LCT: variants seen among roughly 807,000 people sequenced by gnomAD.
LCT encodes lactase.
Under a neutral mutation model 173.0 loss-of-function variants are expected in LCT, and 90 were observed. The observed-to-expected ratio is 0.52, with a 90% CI of 0.44 to 0.62. The LOEUF is 0.62. Among genes scored for constraint, LCT ranks in the 20% least tolerant of loss-of-function variants. The pLI is 0.00. For synonymous variants in LCT, 853 were observed against 957.6 expected, an observed-to-expected ratio of 0.89 and a Z score of 2.02; for missense variants, 1,864 against 2,431.4, an observed-to-expected ratio of 0.77 and a Z score of 4.91.
chr2:135,816,784 C>T (rs962000808), intron 6 of LCT, among the ~76,000 whole-genome samples: 10 of 152,166 alleles, frequency 6.6e-5, no homozygotes, highest in African/African-American at 2.4e-4. Flanking sequence ...GAGCCTCACT[C>T]ATCCATCAGT....
intron 11 of LCT, 51 bp from the exon 12 acceptor site, chr2:135,800,860 C>T: frequency 1.4e-6 from 2 of 1,442,024 alleles, no homozygotes; most frequent in Non-Finnish European, 1.9e-6. Context: ...ATGGATGTGA[C>T]TGAGATTGTT....
Position 135,817,716 on chromosome 2 carries a change from G to A in LCT, c.1332C>T (p.Cys444=), listed in dbSNP as rs370939537. Residue 444 remains cysteine (C), a synonymous_variant, in exon 6 of 17, where the codon TGC becomes TGT. Transcript: ENST00000264162. The stretch of plus-strand genomic sequence containing the variant: ...ACTTGTACACCTGAGCCCGGAGGCC[G>A]CAAAGCAGGGCGACGTCAGAGGCTA... ...HKVASDVALL[C]GLRAQVYKFS... The A allele has an allele frequency of 1.4e-5, 23 of 1,613,880 alleles. No homozygotes were observed. The highest frequency in any genetic ancestry group is 1.6e-4 in the Middle Eastern group (1 of 6,084).
intron 1 of LCT, among the ~76,000 whole-genome samples, chr2:135,835,207 A>T (rs943501139): frequency 6.6e-6 from 1 of 152,128 alleles, no homozygotes. Flanking sequence ...ATACAATGGG[A>T]ACCTAAAAGA....
chr2:135,831,447 G>T (rs924290906), intron 2 of LCT, among the ~76,000 whole-genome samples: 2 of 152,152 alleles, frequency 1.3e-5, no homozygotes, highest in Non-Finnish European at 1.5e-5. Flanking sequence ...GTCCCACTCG[G>T]AAGTGTGGCT....
rs2077524320 is a variant in LCT at position 135,790,483 on chromosome 2, A to G, written c.5335+175T>C. ...GGGCTTGCTTGCTGAGCTTAGACAT[A>G]GGAAGGAAAAAAACTCAGAGTGCGG... On this transcript the variant is annotated intron_variant, in intron 15 of 16. Coordinates refer to ENST00000264162, the MANE Select transcript of LCT (RefSeq NM_002299.4). The surrounding 1 kb of genome is among the most constrained non-coding windows in gnomAD (Gnocchi z 4.1). 1.3e-5 allele frequency among the ~76,000 whole-genome samples: 2 copies of G among 152,192 alleles called. No individual in the cohort carries two copies. Among genetic ancestry groups the G allele is most frequent in the Admixed American group, 1.3e-4 (2 of 15,288 alleles).
rs192524573 is a variant in LCT, at chr2:135,817,808, G to A, written c.1240C>T (p.Arg414Cys). The A allele has an allele frequency of 2.2e-5, 36 of 1,613,970 alleles. No homozygotes were observed. Among genetic ancestry groups the A allele is most frequent in the Admixed American group, 3.3e-5 (2 of 60,014 alleles). Reference protein sequence around the residue: ...GGRGVSIWDPRRPLNTTEGQA... With the variant: ...GGRGVSIWDPCRPLNTTEGQA... ...CCCTCAGTGGTGTTCAGGGGCCTGCGTGGATCCCAGATGCTCACCCCTCTC... is the reference window on the plus strand; with the variant it reads ...CCCTCAGTGGTGTTCAGGGGCCTGCATGGATCCCAGATGCTCACCCCTCTC... Residue 414 changes from arginine to cysteine, a missense_variant, in exon 6 of 17, where the codon CGC becomes TGC. Arg to Cys is a radical substitution (Grantham distance 180). Transcript: ENST00000264162.
rs763860055 is a variant in LCT, at chr2:135,788,539, C to T, written c.5569G>A (p.Gly1857Arg). ...TGTCTCACGGGGCTGATGGTGGGTC[C>T]AGCATCTAGGAGAGTGTGACACAGG... ...PHACLHQPDA[G>R]PTISPVRQEE... The change falls in exon 17 of 17, where the codon GGA becomes AGA. Residue 1857 changes from glycine (G) to arginine (R), a missense_variant. Gly to Arg is a moderately radical substitution (Grantham distance 125, BLOSUM62 -2). Transcript: ENST00000264162. 5.6e-6 allele frequency: 9 copies of T among 1,601,500 alleles called. No homozygotes were observed. The highest frequency in any genetic ancestry group is 1.3e-5 in the African/African-American group (1 of 74,752).
At chr2:135,820,932 G>A (rs2077823140) in intron 5 of LCT, among the ~76,000 whole-genome samples, 1 of 151,596 alleles carries the variant, frequency 6.6e-6, no homozygotes, top group Non-Finnish European at 1.5e-5. Context: ...CCAGGCTGGA[G>A]TGCAATGGCG....
Position 135,798,106 on chromosome 2 carries a change from G to C in LCT, c.4899C>G (p.Phe1633Leu). Residue 1633 changes from phenylalanine to leucine, a missense_variant, in exon 13 of 17, where the codon TTC becomes TTG. Phe to Leu is a conservative substitution (Grantham distance 22). Coordinates refer to ENST00000264162, the MANE Select transcript of LCT (RefSeq NM_002299.4). Reference protein sequence around the residue: ...FMGGWFAHPIFKNGDYNEVMK... With the variant: ...FMGGWFAHPILKNGDYNEVMK... Reference sequence around the variant, plus strand: ...TCACCTCATTGTAATCTCCATTCTTGAAAATAGGATGTGCAAACCAGCCTC... The same window carrying C: ...TCACCTCATTGTAATCTCCATTCTTCAAAATAGGATGTGCAAACCAGCCTC... 1 of 1,611,744 alleles carries C rather than the reference G, an allele frequency of 6.2e-7. No homozygotes were observed. The highest frequency in any genetic ancestry group is 8.5e-7 in the Non-Finnish European group (1 of 1,177,802).
In LCT at chr2:135,804,817, A is replaced by G; in HGVS notation, c.4414T>C (p.Tyr1472His). Residue 1472 changes from tyrosine (Y) to histidine (H), a missense_variant, in exon 10 of 17, where the codon TAC (tyrosine) becomes CAC (histidine). Tyr to His is a moderately conservative substitution (Grantham distance 83). Transcript: ENST00000264162. ...TRYINEAGLN[Y>H]YVRLIDTLLA... Reference sequence around the variant, plus strand: ...AGTGTATCGATGAGCCTCACGTAGTAGTTCAGGCCCGCTTCATTGATGTAC... The same window carrying G: ...AGTGTATCGATGAGCCTCACGTAGTGGTTCAGGCCCGCTTCATTGATGTAC... 6.2e-7 allele frequency: 1 copy of G among 1,613,800 alleles called. No homozygotes were observed. Among genetic ancestry groups the G allele is most frequent in the Non-Finnish European group, 8.5e-7 (1 of 1,180,046 alleles).
rs1240302940 is a variant in LCT, at chr2:135,808,689, T to G, written c.3658A>C (p.Arg1220=). 2.5e-6 allele frequency: 4 copies of G among 1,614,060 alleles called. No homozygotes were observed. Among genetic ancestry groups the G allele is most frequent in the Admixed American group, 1.7e-5 (1 of 60,008 alleles). The part of the protein sequence containing the change: ...YSRIVQHKTP[R]LNPPSYEDDQ... ...TCTTCGTAGGAGGGTGGGTTTAGCC[T>G]GGGTGTTTTGTGCTGCACGATTCTG... The change falls in exon 8 of 17, where the codon AGG becomes CGG. Residue 1220 remains arginine (R), a synonymous_variant. Transcript: ENST00000264162.
chr2:135,835,511 T>C (rs1393671796), intron 1 of LCT, among the ~76,000 whole-genome samples: 1 of 73,114 alleles, frequency 1.4e-5, no homozygotes, highest in Non-Finnish European at 2.3e-5. Flanking sequence ...TATATATATA[T>C]ATATATATAT....
At chr2:135,794,551 T>A in intron 14 of LCT, 90 bp downstream of exon 14, 1 of 1,412,454 alleles carries the variant, frequency 7.1e-7, no homozygotes, top group Admixed American at 1.7e-5. Flanking sequence ...AGGCCCTGTT[T>A]TGAGGCTGGG....
chr2:135,815,624 C>T (rs560866901), intron 6 of LCT, among the ~76,000 whole-genome samples: 2 of 152,232 alleles, frequency 1.3e-5, no homozygotes, highest in Admixed American at 6.5e-5. Context: ...AAGGTTATAA[C>T]ATGTCCAGGG....
chr2:135,835,081 A>G (rs773666943), intron 1 of LCT, among the ~76,000 whole-genome samples: 1 of 152,164 alleles, frequency 6.6e-6, no homozygotes, highest in Non-Finnish European at 1.5e-5. Flanking sequence ...AGAATTTATC[A>G]GAAGGTGGGA....
At chr2:135,836,424 C>T (rs1309421544) in intron 1 of LCT, 106 bp downstream of exon 1, 19 of 1,005,056 alleles carry the variant, frequency 1.9e-5, no homozygotes, top group Non-Finnish European at 2.9e-5. Context: ...CATAAGAGGA[C>T]TGCTGAAGGT....
chr2:135,817,616 T>G lies in LCT; in HGVS notation c.1432A>C (p.Asn478His), dbSNP rs746856678. The change falls in exon 6 of 17, where the codon AAC becomes CAC. Residue 478 changes from asparagine (N) to histidine (H), a missense_variant. Physicochemically the swap from Asn to His is moderately conservative, Grantham distance 68. Around this residue, in one of 4 missense-constraint regions of LCT, gnomAD observed 183 missense variants for 293.1 expected, o/e 0.62. Transcript: ENST00000264162. ...TCCTGTAGCCTGTCAATCAGCTTGT[T>G]GTAGTAGGCAACGCCTGGGAGGCTG... Reference protein sequence around the residue: ...SPSLPGVAYYNKLIDRLQDAG... With the variant: ...SPSLPGVAYYHKLIDRLQDAG... 1 of 1,614,070 alleles carries G rather than the reference T, an allele frequency of 6.2e-7. No individual in the cohort carries two copies. The highest frequency in any genetic ancestry group is 1.1e-5 in the South Asian group (1 of 91,080).
chr2:135,794,428 T>C (rs144048504), intron 14 of LCT: 174 of 608,054 alleles, frequency 2.9e-4, no homozygotes, highest in African/African-American at 2.7e-3. Flanking sequence ...ACATGTGCCC[T>C]AATGGGAGGT....
rs556507145 is a variant in LCT, at chr2:135,801,588, G to A, written c.4664-779C>T. 3.3e-5 allele frequency among the ~76,000 whole-genome samples: 5 copies of A among 151,428 alleles called. No individual in the cohort carries two copies. The South Asian group carries it at 6.3e-4, about 19-fold the overall frequency. ...AAATTAGCCAGCTGTGGTGGCAGGC[G>A]CCTGTAATCCCAGCTACTCAGGAGG... On this transcript the variant is annotated intron_variant, in intron 11 of 16. Coordinates refer to ENST00000264162, the MANE Select transcript of LCT (RefSeq NM_002299.4).
Sources: allele counts gnomAD v4.1 joint callset (sites outside exome capture counted in the v4.1 genomes callset), GRCh38; gene constraint gnomAD v4.1.1; regional missense constraint gnomAD v4.1.1; non-coding constraint Gnocchi (gnomAD v3.1); transcripts MANE v1.5; gene names NCBI Gene and HGNC (gene_info 2026-07-23, HGNC 2026-07-21).